TGFBR2: variants seen among roughly 807,000 people sequenced by gnomAD.
TGFBR2 encodes the protein transforming growth factor beta receptor 2.
A neutral mutation model predicts 49.0 loss-of-function variants in TGFBR2; 18 were observed. The observed-to-expected ratio is 0.37, with a 90% CI of 0.25 to 0.54. The LOEUF is 0.54. Ranked by LOEUF, TGFBR2 falls within the 20% of genes least tolerant of loss-of-function variation. The pLI is 0.85. For missense variants in TGFBR2, 525 were observed against 722.6 expected (o/e 0.73, Z 3.13); for synonymous variants, 282 against 275.9 (o/e 1.02, Z -0.22).
intron 3 of TGFBR2, among the ~76,000 whole-genome samples, chr3:30,653,632 G>A (rs1253472239): frequency 6.6e-6 from 1 of 152,106 alleles, no homozygotes; most frequent in Non-Finnish European, 1.5e-5. Context: ...GTGCATTGTG[G>A]CTGTATTATT....
At chr3:30,679,473 G>C (rs1699497368) in intron 5 of TGFBR2, among the ~76,000 whole-genome samples, 1 of 152,174 alleles carries the variant, frequency 6.6e-6, no homozygotes, top group Non-Finnish European at 1.5e-5. Flanking sequence ...AGGTGGTACA[G>C]CTTCATTTCG....
chr3:30,615,339 C>G (rs1314445065), intron 1 of TGFBR2, among the ~76,000 whole-genome samples: 1 of 152,132 alleles, frequency 6.6e-6, no homozygotes, highest in African/African-American at 2.4e-5. Context: ...CAAGTGTCAT[C>G]AAGTCAAATA....
intron 1 of TGFBR2, among the ~76,000 whole-genome samples, chr3:30,608,070 C>A (rs1697963344): frequency 6.6e-6 from 1 of 151,528 alleles, no homozygotes; most frequent in African/African-American, 2.4e-5. Flanking sequence ...TCCCGAGTAG[C>A]TGGGATTACA....
Position 30,672,469 on chromosome 3 carries a change from C to G in TGFBR2, c.1254+32C>G. The G allele has an allele frequency of 6.2e-7, 1 of 1,610,412 alleles. No homozygotes were observed. The highest frequency in any genetic ancestry group is 8.5e-7 in the Non-Finnish European group (1 of 1,176,692). On this transcript the variant is annotated intron_variant, in intron 4 of 6. Transcript: ENST00000295754. The surrounding 1 kb of genome is among the most constrained non-coding windows in gnomAD (Gnocchi z 4.5). ...TAGAGCTAGTGCTAGATCCCCTTTA[C>G]CTTGAGCCTGGCCTCACCCTACCTC...
chr3:30,609,436 A>C (rs1697991924), intron 1 of TGFBR2, among the ~76,000 whole-genome samples: 1 of 152,234 alleles, frequency 6.6e-6, no homozygotes, highest in Non-Finnish European at 1.5e-5. Flanking sequence ...AAAAAGGCCC[A>C]AAAATCTGTC....
At chr3:30,663,041 G>C (rs1699166250) in intron 3 of TGFBR2, among the ~76,000 whole-genome samples, 1 of 152,152 alleles carries the variant, frequency 6.6e-6, no homozygotes, top group East Asian at 1.9e-4. Flanking sequence ...GCTGGTCTGC[G>C]GGCACACTTA....
chr3:30,648,470 G>A lies in TGFBR2; in HGVS notation c.264-1800G>A, dbSNP rs192593692. On this transcript the variant is annotated intron_variant, in intron 2 of 6. Transcript: ENST00000295754. ...CACACACACACACACACAAAACTGT[G>A]GGGGCAGGGAGGAAGGTGTTCTTGT... Among the ~76,000 whole-genome samples, 8 of 103,840 alleles carry A rather than the reference G, an allele frequency of 7.7e-5. No homozygotes were observed. The East Asian group carries it at 2.4e-3, about 31-fold the overall frequency. 68.1% of individuals were successfully genotyped at this position (103,840 alleles called of 152,430 possible).
intron 3 of TGFBR2, among the ~76,000 whole-genome samples, chr3:30,660,509 T>C (rs1699100963): frequency 6.6e-6 from 1 of 152,178 alleles, no homozygotes; most frequent in African/African-American, 2.4e-5. Context: ...TGCCAAATCT[T>C]TTTATATTTT....
intron 1 of TGFBR2, among the ~76,000 whole-genome samples, chr3:30,625,437 G>GA (rs1297998939): frequency 6.6e-6 from 1 of 152,112 alleles, no homozygotes; most frequent in Non-Finnish European, 1.5e-5. Flanking sequence ...TTGTTTCCTT[G>GA]AACTTACTTT....
At chr3:30,649,696 G>A (rs998016662) in intron 2 of TGFBR2, among the ~76,000 whole-genome samples, 6 of 151,966 alleles carry the variant, frequency 3.9e-5, no homozygotes, top group Admixed American at 1.3e-4. Context: ...GTTTCTTCCC[G>A]TTTTTCTCAG....
At position 30,692,868 on chromosome 3, in the gene TGFBR2, C is replaced by G. The variant is rs1342051112; in HGVS notation, c.*1269C>G. On this transcript the variant is annotated 3_prime_UTR_variant, in exon 7 of 7. Coordinates refer to ENST00000295754, the MANE Select transcript of TGFBR2 (RefSeq NM_003242.6). ...CCAGGTAAGGATAGCAGATGGTTTT[C>G]AGTTATCTCCAGTCCACGTTCACAA... The G allele has an allele frequency of 8.6e-6, 2 of 233,102 alleles. No homozygotes were observed. Among genetic ancestry groups the G allele is most frequent in the Non-Finnish European group, 8.5e-6 (1 of 117,938 alleles). 14.4% of individuals were successfully genotyped at this position (233,102 alleles called of 1,614,324 possible). A position where few individuals can be genotyped will look rare whatever the true frequency, so the allele number is the denominator to read the frequency against.
In TGFBR2 at chr3:30,607,198, A is replaced by T. The variant is rs1289724686; in HGVS notation, c.94+221A>T. On this transcript the variant is annotated intron_variant, in intron 1 of 6. Transcript: ENST00000295754. ...AGTTCAGTTGCAAGGGGCGCGGGGC[A>T]CGTTTGGTCCCCTTTGTGCGAGCAG... 2.6e-5 allele frequency among the ~76,000 whole-genome samples: 4 copies of T among 152,342 alleles called. No individual in the cohort carries two copies. In the East Asian group the frequency reaches 7.7e-4, roughly 29 times the overall value.
At chr3:30,661,696 CAGAA>C (rs1211294960) in intron 3 of TGFBR2, 1 of 425,170 alleles carries the variant, frequency 2.4e-6, no homozygotes, top group Non-Finnish European at 4.7e-6. Flanking sequence ...CAAAACAAAA[CAGAA>C]AGAACAAACC....
intron 5 of TGFBR2, among the ~76,000 whole-genome samples, chr3:30,675,243 A>G (rs1162156272): frequency 1.3e-5 from 2 of 152,132 alleles, no homozygotes; most frequent in African/African-American, 4.8e-5. Context: ...TTGAACTAGA[A>G]CTGCCTTTCG....
At chr3:30,671,511 A>G in intron 3 of TGFBR2, 127 bp from the exon 4 acceptor site, 12 of 944,674 alleles carry the variant, frequency 1.3e-5, no homozygotes, top group Non-Finnish European at 1.8e-5. Flanking sequence ...ATAAAAATTA[A>G]CAATATCGTA....
rs1381148211 is a variant in TGFBR2, at chr3:30,661,259, A to T, written c.455-10379A>T. Among the ~76,000 whole-genome samples, 129 of 151,960 alleles carry T rather than the reference A, an allele frequency of 8.5e-4. 1 individual carries two copies. The highest frequency in any genetic ancestry group is 4.4e-5 in the Non-Finnish European group (3 of 67,990). The stretch of plus-strand genomic sequence containing the variant: ...TAACACAGAAAAGAAAATGAAAAAA[A>T]ATCTTGTTCCAAAGAACATATATCA... On this transcript the variant is annotated intron_variant, in intron 3 of 6. Transcript: ENST00000295754.
At chr3:30,638,260 A>G (rs1428743831) in intron 1 of TGFBR2, among the ~76,000 whole-genome samples, 1 of 152,268 alleles carries the variant, frequency 6.6e-6, no homozygotes, top group Non-Finnish European at 1.5e-5. Flanking sequence ...AATACTTACT[A>G]TTTAAAAGCA....
chr3:30,656,356 A>G (rs185252509), intron 3 of TGFBR2, among the ~76,000 whole-genome samples: 2 of 152,312 alleles, frequency 1.3e-5, no homozygotes, highest in East Asian at 1.9e-4. Context: ...GATCATGTTC[A>G]TGTTAGTTTA....
chr3:30,685,259 G>A (rs1260117056), intron 5 of TGFBR2, among the ~76,000 whole-genome samples: 1 of 152,216 alleles, frequency 6.6e-6, no homozygotes, highest in Non-Finnish European at 1.5e-5. Flanking sequence ...TACAATGTGA[G>A]ATTCAGAATG....
Sources: gnomAD v4.1 joint callset for allele counts (sites outside exome capture counted in the v4.1 genomes callset) on GRCh38, gnomAD v4.1.1 for gene constraint, Gnocchi (gnomAD v3.1) non-coding constraint, MANE v1.5 for transcripts, NCBI Gene and HGNC (gene_info 2026-07-23, HGNC 2026-07-21) for gene names.